The following KRIT1 variants were observed in gnomAD, a reference collection of about 807,000 sequenced individuals.
KRIT1 encodes the protein KRIT1 ankyrin repeat containing, also known as krev interaction trapped protein 1.
KRIT1 carries 45 observed loss-of-function variants against 95.8 expected under a neutral mutation model. That is an observed-to-expected ratio of 0.47 (90% CI 0.37 to 0.60). KRIT1 has a LOEUF of 0.60. Ranked by LOEUF, KRIT1 falls within the 20% of genes least tolerant of loss-of-function variation. The pLI, the probability that KRIT1 is intolerant of heterozygous loss-of-function variation, is 0.00. For missense variants in KRIT1, 788 were observed against 877.5 expected (o/e 0.90, Z 1.29); for synonymous variants, 282 against 278.8 (o/e 1.01, Z -0.11).
chr7:92,236,516 C>T lies in KRIT1; in HGVS notation c.382G>A (p.Gly128Arg). Residue 128 changes from glycine to arginine, a missense_variant, in exon 7 of 19, where the codon GGA becomes AGA. Physicochemically the swap from Gly to Arg is moderately radical, Grantham distance 125. Transcript: ENST00000394505. ...TGTAAGCAGTAAAAAATTGGGCATCCTGGGGTATATGTGTATTTAGTATTA... is the reference window on the plus strand; with the variant it reads ...TGTAAGCAGTAAAAAATTGGGCATCTTGGGGTATATGTGTATTTAGTATTA... ...KDNTKYTYTP[G>R]CPIFYCLQDI... 1 of 1,560,766 alleles carries T rather than the reference C, an allele frequency of 6.4e-7. No homozygotes were observed. Among genetic ancestry groups the T allele is most frequent in the Non-Finnish European group, 8.8e-7 (1 of 1,132,078 alleles).
chr7:92,222,670 C>A, intron 13 of KRIT1, 152 bp downstream of exon 13: 2 of 616,442 alleles, frequency 3.2e-6, no homozygotes, highest in Admixed American at 5.7e-5. Context: ...CCTGTTTCAG[C>A]AGTTTGAACA....
At chr7:92,233,812 C>T (rs963160718) in intron 10 of KRIT1, among the ~76,000 whole-genome samples, 22 of 152,136 alleles carry the variant, frequency 1.4e-4, no homozygotes, top group Non-Finnish European at 4.4e-5. Context: ...TAGAAGATGA[C>T]TTATAGTAAA....
At position 92,200,555 on chromosome 7, in the gene KRIT1, G is replaced by A. The variant is rs928654973; in HGVS notation, c.*181C>T. ...TTTTGTAGAGACAGGGTTTCACCAT[G>A]TTGGCCAGGCTGGTCTTGAACTCTG... On this transcript the variant is annotated 3_prime_UTR_variant, in exon 19 of 19. Transcript: ENST00000394505. 1 of 599,822 alleles carries A rather than the reference G, an allele frequency of 1.7e-6. No individual in the cohort carries two copies. The highest frequency in any genetic ancestry group is 1.8e-5 in the South Asian group (1 of 56,106). The allele number at this position is 599,822 out of a possible 1,614,324, so 37.2% of individuals were successfully genotyped here.
intron 17 of KRIT1, among the ~76,000 whole-genome samples, chr7:92,204,951 C>G (rs893410070): frequency 6.6e-6 from 1 of 152,122 alleles, no homozygotes; most frequent in Non-Finnish European, 1.5e-5. Context: ...GTGTATCTAT[C>G]AAAGTAACTG....
chr7:92,217,212 G>C (rs2131364619), intron 14 of KRIT1, among the ~76,000 whole-genome samples: 1 of 152,302 alleles, frequency 6.6e-6, no homozygotes, highest in Middle Eastern at 3.4e-3. Flanking sequence ...AAGGCAGACT[G>C]AGTATACTTA....
In KRIT1 at chr7:92,201,290, A is replaced by C. The variant is rs771459405; in HGVS notation, c.2142+17T>G. On this transcript the variant is annotated intron_variant, in intron 18 of 18. Coordinates refer to ENST00000394505, the MANE Select transcript of KRIT1 (RefSeq NM_194454.3). ...CTAACACAATAGTTTATGAAGTCCA[A>C]AATAAATGATACTTACCTGTTTTGT... The C allele has an allele frequency of 6.9e-6, 8 of 1,166,122 alleles. No individual in the cohort carries two copies. The East Asian group carries it at 1.9e-4, about 27-fold the overall frequency. 72.2% of individuals were successfully genotyped at this position (1,166,122 alleles called of 1,614,324 possible).
At chr7:92,215,646 T>A (rs1793809137) in intron 14 of KRIT1, among the ~76,000 whole-genome samples, 1 of 150,682 alleles carries the variant, frequency 6.6e-6, no homozygotes, top group Non-Finnish European at 1.5e-5. Flanking sequence ...ATTTTTAAAT[T>A]TTTTGAAGAC....
chr7:92,236,042 A>G (rs1798379562), intron 7 of KRIT1: 1 of 245,198 alleles, frequency 4.1e-6, no homozygotes, highest in Non-Finnish European at 7.9e-6. Flanking sequence ...TTAAAATTCA[A>G]ACTACTGAGA....
At chr7:92,207,676 G>A (rs1770201675) in intron 17 of KRIT1, among the ~76,000 whole-genome samples, 1 of 152,256 alleles carries the variant, frequency 6.6e-6, no homozygotes. Flanking sequence ...GGGCAACATG[G>A]CTACACCTCG....
intron 17 of KRIT1, among the ~76,000 whole-genome samples, chr7:92,203,344 A>G (rs1048768955): frequency 6.6e-6 from 1 of 152,264 alleles, no homozygotes; most frequent in Non-Finnish European, 1.5e-5. Flanking sequence ...CGGCTGAAAT[A>G]TGCAACTATC....
At position 92,242,055 on chromosome 7, in the gene KRIT1, T is replaced by G; in HGVS notation, c.81A>C (p.Glu27Asp). ...PKNTASLNSR[E>D]YRAKSYEILL... Reference sequence around the variant, plus strand: ...TTACTTCATATGACTTAGCTCTGTATTCCCGAGAATTGAGACTGGCAGTAT... The same window carrying G: ...TTACTTCATATGACTTAGCTCTGTAGTCCCGAGAATTGAGACTGGCAGTAT... The change falls in exon 4 of 19, where the codon GAA becomes GAC. Residue 27 changes from glutamate to aspartate, a missense_variant. Physicochemically the swap from Glu to Asp is conservative, Grantham distance 45. Around this residue, in one of 3 missense-constraint regions of KRIT1, gnomAD observed 289 missense variants for 277.5 expected, o/e 1.04. Transcript: ENST00000394505. The G allele has an allele frequency of 6.4e-7, 1 of 1,555,302 alleles. No individual in the cohort carries two copies. The highest frequency in any genetic ancestry group is 1.1e-5 in the South Asian group (1 of 89,704).
At chr7:92,203,495 A>G (rs936534996) in intron 17 of KRIT1, among the ~76,000 whole-genome samples, 8 of 152,210 alleles carry the variant, frequency 5.3e-5, no homozygotes, top group Admixed American at 5.2e-4. Context: ...TTATAGTTCA[A>G]GAAACTGAAC....
intron 14 of KRIT1, among the ~76,000 whole-genome samples, chr7:92,217,664 A>T (rs1794270640): frequency 6.6e-6 from 1 of 152,200 alleles, no homozygotes; most frequent in Non-Finnish European, 1.5e-5. Flanking sequence ...TTGTCCACTC[A>T]TCTGTTGATG....
Position 92,200,582 on chromosome 7 carries a change from C to A in KRIT1, c.*154G>T. ...TGGCCAGGCTGGTCTTGAACTCTGA[C>A]TTCAGGTGATCCGCCTGCCCCAGCC... On this transcript the variant is annotated 3_prime_UTR_variant, in exon 19 of 19. Transcript: ENST00000394505. 1.5e-6 allele frequency: 1 copy of A among 664,880 alleles called. No homozygotes were observed. Among genetic ancestry groups the A allele is most frequent in the Non-Finnish European group, 2.8e-6 (1 of 360,868 alleles). 41.2% of individuals were successfully genotyped at this position (664,880 alleles called of 1,614,324 possible). A position where few individuals can be genotyped will look rare whatever the true frequency, so the allele number is the denominator to read the frequency against.
At chr7:92,210,918 A>G (rs1364248484) in intron 17 of KRIT1, among the ~76,000 whole-genome samples, 1 of 152,250 alleles carries the variant, frequency 6.6e-6, no homozygotes, top group Non-Finnish European at 1.5e-5. Flanking sequence ...GCCAAGAAGT[A>G]TATTAAAAAA....
At chr7:92,204,713 AG>A (rs1239992177) in intron 17 of KRIT1, among the ~76,000 whole-genome samples, 1 of 152,122 alleles carries the variant, frequency 6.6e-6, no homozygotes, top group Non-Finnish European at 1.5e-5. Flanking sequence ...GGCAGAGCTC[AG>A]ATGGTAATGC....
At chr7:92,243,717 A>T (rs1800202781) in intron 3 of KRIT1, among the ~76,000 whole-genome samples, 1 of 152,162 alleles carries the variant, frequency 6.6e-6, no homozygotes, top group Admixed American at 6.5e-5. Context: ...ATTTTACATA[A>T]ACTTTAGCCT....
chr7:92,207,030 T>A (rs1227546454), intron 17 of KRIT1, among the ~76,000 whole-genome samples: 2 of 150,508 alleles, frequency 1.3e-5, no homozygotes, highest in East Asian at 3.9e-4. Context: ...TGACCAAACA[T>A]TTGAATTCTG....
intron 17 of KRIT1, chr7:92,201,639 A>G (rs965307798): frequency 2.1e-6 from 1 of 487,466 alleles, no homozygotes; most frequent in African/African-American, 2.0e-5. Flanking sequence ...GCACCCATCA[A>G]CCCGTCACCT....
Sources: gnomAD v4.1 joint callset for allele counts (sites outside exome capture counted in the v4.1 genomes callset) on GRCh38, gnomAD v4.1.1 for gene constraint, gnomAD v4.1.1 regional missense constraint, MANE v1.5 for transcripts, NCBI Gene and HGNC (gene_info 2026-07-23, HGNC 2026-07-21) for gene names.